The following MSH3 variants were observed in gnomAD, a reference collection of about 807,000 sequenced individuals.
MSH3 encodes DNA mismatch repair protein Msh3.
A neutral mutation model predicts 123.3 loss-of-function variants in MSH3; 106 were observed. The ratio of observed to expected loss-of-function variants is 0.86; its 90% CI spans 0.73 to 1.01. The LOEUF (loss-of-function observed/expected upper bound fraction) is 1.01. MSH3 is among the 50% of genes least tolerant of loss of function. The pLI, the probability that MSH3 is intolerant of heterozygous loss-of-function variation, is 0.00. For missense variants in MSH3, 1,459 were observed against 1,347.6 expected (o/e 1.08, Z -1.29); for synonymous variants, 515 against 481.4 (o/e 1.07, Z -0.91).
chr5:80,681,283 TAATAA>T (rs964743553), intron 8 of MSH3, among the ~76,000 whole-genome samples: 1 of 152,096 alleles, frequency 6.6e-6, no homozygotes, highest in African/African-American at 2.4e-5. Context: ...CTAAAAAAAT[TAATAA>T]AATCTGGAAA....
chr5:80,671,081 C>T (rs1248069376), intron 4 of MSH3, among the ~76,000 whole-genome samples: 1 of 151,464 alleles, frequency 6.6e-6, no homozygotes, highest in African/African-American at 2.4e-5. Flanking sequence ...CGAGATCCTG[C>T]CATTGCACTC....
intron 11 of MSH3, 85 bp downstream of exon 11, chr5:80,741,633 A>G (rs896807783): frequency 3.2e-6 from 3 of 931,430 alleles, no homozygotes; most frequent in Non-Finnish European, 5.4e-6. Flanking sequence ...TTAGAGGTAC[A>G]GGTGAAAATA....
At chr5:80,799,762 C>T (rs187337650) in intron 19 of MSH3, among the ~76,000 whole-genome samples, 1 of 152,150 alleles carries the variant, frequency 6.6e-6, no homozygotes, top group East Asian at 1.9e-4. Context: ...ATGAACTTCA[C>T]TTAACATTCC....
intron 8 of MSH3, among the ~76,000 whole-genome samples, chr5:80,702,714 A>T (rs577178624): frequency 7.6e-4 from 9 of 11,880 alleles, no homozygotes; most frequent in South Asian, 5.2e-3. Flanking sequence ...TAATTTATTT[A>T]AAAAAAAAAA....
chr5:80,703,709 C>T lies in MSH3; in HGVS notation c.1341-21744C>T, dbSNP rs2112839679. On this transcript the variant is annotated intron_variant, in intron 8 of 23. Coordinates refer to ENST00000265081, the MANE Select transcript of MSH3 (RefSeq NM_002439.5). ...CTGTAACAACAGTGCACAGATTTTA[C>T]TTCAGGAATGTGTTTTTATTCACTC... Among the ~76,000 whole-genome samples the T allele has an allele frequency of 1.3e-5, 2 of 152,200 alleles. 1 individual carries two copies.
chr5:80,673,659 A>G (rs1050949555), intron 6 of MSH3, among the ~76,000 whole-genome samples: 39 of 152,336 alleles, frequency 2.6e-4, no homozygotes, highest in African/African-American at 8.7e-4. Flanking sequence ...TGTTAACTTT[A>G]TAAAAATTTT....
rs539508095 is a variant in MSH3 at position 80,701,535 on chromosome 5, C to T, written c.1340+22442C>T. ...CTTCACTGAACTCCAAATACAGTTA[C>T]TGTCTGTCCTCAGGATCTCTTTATT... On this transcript the variant is annotated intron_variant, in intron 8 of 23. Coordinates refer to ENST00000265081, the MANE Select transcript of MSH3 (RefSeq NM_002439.5). Among the ~76,000 whole-genome samples the T allele has an allele frequency of 5.3e-5, 8 of 152,314 alleles. No homozygotes were observed. In the East Asian group the frequency reaches 1.5e-3, roughly 29 times the overall value.
intron 19 of MSH3, among the ~76,000 whole-genome samples, chr5:80,795,451 C>A (rs538593234): frequency 6.6e-6 from 1 of 152,106 alleles, no homozygotes; most frequent in East Asian, 1.9e-4. Context: ...TTTCCTGGTT[C>A]CTAGATGACA....
intron 19 of MSH3, among the ~76,000 whole-genome samples, chr5:80,806,523 A>C (rs1030843172): frequency 4.6e-5 from 7 of 152,120 alleles, no homozygotes; most frequent in Non-Finnish European, 8.8e-5. Context: ...ATTATTTATC[A>C]TATATTAAGT....
rs1580589332 is a variant in MSH3, at chr5:80,728,847, C to G, written c.1454-4C>G. 1 of 1,502,672 alleles carries G rather than the reference C, an allele frequency of 6.7e-7. No homozygotes were observed. The highest frequency in any genetic ancestry group is 9.3e-7 in the Non-Finnish European group (1 of 1,080,108). The allele number at this position is 1,502,672 out of a possible 1,614,324, so 93.1% of individuals were successfully genotyped here. On this transcript the variant is annotated splice_region_variant and splice_polypyrimidine_tract_variant and intron_variant, in intron 9 of 23. Coordinates refer to ENST00000265081, the MANE Select transcript of MSH3 (RefSeq NM_002439.5). ...ATAACAAGTTAATATATTCTGTTTT[C>G]TAGGTTCTCAAATTATTTCTGGCAT...
At chr5:80,856,235 G>A (rs1172408151) in intron 21 of MSH3, among the ~76,000 whole-genome samples, 1 of 151,672 alleles carries the variant, frequency 6.6e-6, no homozygotes, top group Non-Finnish European at 1.5e-5. Context: ...AGTGACTCAG[G>A]TTTTGTTTAA....
chr5:80,713,500 C>T lies in MSH3; in HGVS notation c.1341-11953C>T, dbSNP rs182680639. On this transcript the variant is annotated intron_variant, in intron 8 of 23. Transcript: ENST00000265081. ...ACAAGGACAGAAGGGAGGTTGCCAC[C>T]TTGGGAGGAGCACATCTTCTGTTCA... 3.2e-4 allele frequency among the ~76,000 whole-genome samples: 45 copies of T among 142,706 alleles called. 1 individual carries two copies. In the East Asian group the frequency reaches 8.0e-3, roughly 25 times the overall value. The allele number at this position is 142,706 out of a possible 152,430, so 93.6% of individuals were successfully genotyped here. A position where few individuals can be genotyped will look rare whatever the true frequency, so the allele number is the denominator to read the frequency against.
At position 80,842,228 on chromosome 5, in the gene MSH3, T is replaced by C. The variant is rs183921717; in HGVS notation, c.2814-11902T>C. ...TCAGATGGTTGTAGATGTGTGATGT[T>C]ATTTCTGAGGCCTCTGTTCTATTCC... On this transcript the variant is annotated intron_variant, in intron 20 of 23. Coordinates refer to ENST00000265081, the MANE Select transcript of MSH3 (RefSeq NM_002439.5). Among the ~76,000 whole-genome samples the C allele has an allele frequency of 5.7e-3, 868 of 152,306 alleles. 6 individuals are homozygous for C. Among genetic ancestry groups the C allele is most frequent in the Non-Finnish European group, 0.01 (691 of 68,028 alleles).
At position 80,841,675 on chromosome 5, in the gene MSH3, A is replaced by T. The variant is rs1745627472; in HGVS notation, c.2814-12455A>T. 1.3e-5 allele frequency among the ~76,000 whole-genome samples: 2 copies of T among 152,108 alleles called. 1 individual carries two copies. The highest frequency in any genetic ancestry group is 1.3e-4 in the Admixed American group (2 of 15,270). On this transcript the variant is annotated intron_variant, in intron 20 of 23. Coordinates refer to ENST00000265081, the MANE Select transcript of MSH3 (RefSeq NM_002439.5). The stretch of plus-strand genomic sequence containing the variant: ...GACCAGTGATGATGAGCATTTTTTC[A>T]TATGTCTGTTGGCTGCATGAATGTT...
chr5:80,800,273 A>T (rs1744769581), intron 19 of MSH3, among the ~76,000 whole-genome samples: 1 of 152,074 alleles, frequency 6.6e-6, no homozygotes, highest in South Asian at 2.1e-4. Flanking sequence ...ATCCCCCTTT[A>T]GTTTCTTGAG....
At chr5:80,825,357 A>T (rs558620416) in intron 20 of MSH3, among the ~76,000 whole-genome samples, 2 of 152,272 alleles carry the variant, frequency 1.3e-5, no homozygotes, top group Non-Finnish European at 2.9e-5. Context: ...ACAGTGTATC[A>T]CACTATATTC....
At chr5:80,875,349 G>A (rs552787003) in intron 23 of MSH3, among the ~76,000 whole-genome samples, 11 of 152,142 alleles carry the variant, frequency 7.2e-5, no homozygotes, top group South Asian at 2.1e-4. Flanking sequence ...TTATGCTGGC[G>A]TTTTACTCTT....
intron 18 of MSH3, among the ~76,000 whole-genome samples, chr5:80,791,275 A>G (rs1744602261): frequency 6.6e-6 from 1 of 152,200 alleles, no homozygotes; most frequent in South Asian, 2.1e-4. Flanking sequence ...ATATTTTGCA[A>G]TTATGGAGCA....
In MSH3 at chr5:80,840,661, A is replaced by G. The variant is rs147836263; in HGVS notation, c.2814-13469A>G. Among the ~76,000 whole-genome samples the G allele has an allele frequency of 1.0e-3, 153 of 152,212 alleles. 3 individuals carry two copies. The East Asian group carries it at 0.028, about 28-fold the overall frequency. ...TGCACAACGTACAGGTTTGTTACAT[A>G]GGTATACATATGCCATGTTGGTTTG... On this transcript the variant is annotated intron_variant, in intron 20 of 23. Transcript: ENST00000265081.
Sources: gnomAD v4.1 joint callset for allele counts (sites outside exome capture counted in the v4.1 genomes callset) on GRCh38, gnomAD v4.1.1 for gene constraint, MANE v1.5 for transcripts, NCBI Gene and HGNC (gene_info 2026-07-23, HGNC 2026-07-21) for gene names.